SLC24A2: variants seen among roughly 807,000 people sequenced by gnomAD.
SLC24A2 encodes solute carrier family 24 member 2.
A neutral mutation model predicts 62.0 loss-of-function variants in SLC24A2; 36 were observed. The ratio of observed to expected loss-of-function variants is 0.58; its 90% CI spans 0.44 to 0.77. The LOEUF (loss-of-function observed/expected upper bound fraction) is 0.77, where lower values mean the gene tolerates loss of function less well. Ranked by LOEUF, SLC24A2 falls within the 30% of genes least tolerant of loss-of-function variation. SLC24A2 has a pLI of 0.00. For synonymous variants in SLC24A2, 358 were observed against 294.0 expected, an observed-to-expected ratio of 1.22 and a Z score of -2.23; for missense variants, 846 against 817.9, an observed-to-expected ratio of 1.03 and a Z score of -0.42.
chr9:19,705,398 T>C (rs7869055), intron 2 of SLC24A2: 54,184 of 162,308 alleles, frequency 0.33, 9,911 homozygotes, highest in African/African-American at 0.45. Flanking sequence ...GTGTCTGAGG[T>C]ACTGGGTGGT....
the SLC24A2 span, among the ~76,000 whole-genome samples, chr9:19,852,015 T>A: frequency 6.6e-6 from 1 of 152,320 alleles, no homozygotes; most frequent in East Asian, 1.9e-4. Flanking sequence ...TTTTTAATAA[T>A]CACCATTCTG....
chr9:19,863,667 T>C, the SLC24A2 span, among the ~76,000 whole-genome samples: 4 of 148,778 alleles, frequency 2.7e-5, no homozygotes, highest in Admixed American at 2.7e-4. Context: ...AAACAAATGC[T>C]AACAGAAACA....
At chr9:19,542,008 G>T (rs957045944) in intron 8 of SLC24A2, among the ~76,000 whole-genome samples, 11 of 152,202 alleles carry the variant, frequency 7.2e-5, no homozygotes, top group African/African-American at 2.4e-4. Flanking sequence ...ACTCGGAAAG[G>T]GAACTCCCTG....
Position 19,788,897 on chromosome 9 carries a change from G to T in SLC24A2, c.-166C>A, listed in dbSNP as rs866768215. The T allele has an allele frequency of 3.0e-6, 3 of 985,290 alleles. No homozygotes were observed. Among genetic ancestry groups the T allele is most frequent in the Non-Finnish European group, 3.6e-6 (3 of 829,918 alleles). 61.0% of individuals were successfully genotyped at this position (985,290 alleles called of 1,614,324 possible). On this transcript the variant is annotated 5_prime_UTR_variant, in exon 1 of 11. Transcript: ENST00000341998. ...CGCCCGCACTTACCAGGATAAGATGGGAGGACGCGCACACGGCGGGGCCCC... is the reference window on the plus strand; with the variant it reads ...CGCCCGCACTTACCAGGATAAGATGTGAGGACGCGCACACGGCGGGGCCCC...
chr9:20,029,344 C>T, the SLC24A2 span, among the ~76,000 whole-genome samples: 1 of 152,194 alleles, frequency 6.6e-6, no homozygotes, highest in East Asian at 1.9e-4. Flanking sequence ...TAGGTGCTCT[C>T]TAATAATGAC....
At chr9:19,886,288 T>C in the SLC24A2 span, among the ~76,000 whole-genome samples, 1 of 152,202 alleles carries the variant, frequency 6.6e-6, no homozygotes, top group African/African-American at 2.4e-5. Context: ...AATCATAGCC[T>C]TTCTGACTAG....
intron 8 of SLC24A2, among the ~76,000 whole-genome samples, chr9:19,549,146 C>T (rs568411074): frequency 2.4e-4 from 37 of 152,222 alleles, no homozygotes; most frequent in African/African-American, 7.7e-4. Flanking sequence ...ATAATAAAAT[C>T]GATTAAAGTA....
the SLC24A2 span, among the ~76,000 whole-genome samples, chr9:19,875,864 C>T: frequency 6.6e-6 from 1 of 152,178 alleles, no homozygotes; most frequent in Admixed American, 6.5e-5. Flanking sequence ...TGTTTCAAGT[C>T]ATACATTCAC....
At chr9:19,882,093 A>G in the SLC24A2 span, among the ~76,000 whole-genome samples, 1 of 152,300 alleles carries the variant, frequency 6.6e-6, no homozygotes, top group Middle Eastern at 3.4e-3. Flanking sequence ...AATCTTTGCC[A>G]TTCTCTCTAT....
At chr9:19,917,251 A>G in the SLC24A2 span, among the ~76,000 whole-genome samples, 1 of 151,238 alleles carries the variant, frequency 6.6e-6, no homozygotes, top group Admixed American at 6.6e-5. Flanking sequence ...TTTAGGAAAT[A>G]TCTAATTTGA....
At chr9:19,701,576 G>A (rs1411151495) in intron 2 of SLC24A2, among the ~76,000 whole-genome samples, 1 of 152,170 alleles carries the variant, frequency 6.6e-6, no homozygotes, top group East Asian at 1.9e-4. Context: ...TCTGGAGGCC[G>A]TAAGTTTGAA....
chr9:19,731,474 A>G (rs1821331313), intron 2 of SLC24A2, among the ~76,000 whole-genome samples: 2 of 151,560 alleles, frequency 1.3e-5, no homozygotes, highest in South Asian at 4.2e-4. Flanking sequence ...TCCCTATAAA[A>G]AGAGACACTT....
the SLC24A2 span, among the ~76,000 whole-genome samples, chr9:20,023,787 G>C: frequency 6.6e-6 from 1 of 152,138 alleles, no homozygotes; most frequent in Non-Finnish European, 1.5e-5. Flanking sequence ...AACTGGAAAG[G>C]AAAACAATCA....
At chr9:19,854,978 A>G in the SLC24A2 span, among the ~76,000 whole-genome samples, 1 of 152,136 alleles carries the variant, frequency 6.6e-6, no homozygotes, top group East Asian at 1.9e-4. Context: ...GTGCTCCTGT[A>G]TTGGTGTATA....
At chr9:19,751,654 G>C (rs1821988548) in intron 2 of SLC24A2, among the ~76,000 whole-genome samples, 1 of 152,146 alleles carries the variant, frequency 6.6e-6, no homozygotes, top group African/African-American at 2.4e-5. Context: ...GAGTTCCATA[G>C]CTCTGCAGCC....
the SLC24A2 span, among the ~76,000 whole-genome samples, chr9:20,001,030 C>T: frequency 6.6e-6 from 1 of 152,182 alleles, no homozygotes; most frequent in Admixed American, 6.5e-5. Context: ...CTTTCTCTCC[C>T]CATCCATTGC....
the SLC24A2 span, among the ~76,000 whole-genome samples, chr9:19,995,054 C>T: frequency 2.0e-5 from 3 of 150,122 alleles, no homozygotes; most frequent in Admixed American, 1.3e-4. Flanking sequence ...GGGATTTAAC[C>T]CCTGTGGTAG....
the SLC24A2 span, among the ~76,000 whole-genome samples, chr9:20,206,615 G>C: frequency 6.6e-6 from 1 of 152,030 alleles, no homozygotes; most frequent in African/African-American, 2.4e-5. Flanking sequence ...TCAGACTCCT[G>C]AGTAGCTGGG....
chr9:20,057,486 A>G, the SLC24A2 span, among the ~76,000 whole-genome samples: 4 of 152,156 alleles, frequency 2.6e-5, no homozygotes, highest in African/African-American at 4.8e-5. Context: ...TCAGAGTTGG[A>G]GCTGTGGCTA....
Sources: allele counts gnomAD v4.1 joint callset (sites outside exome capture counted in the v4.1 genomes callset), GRCh38; gene constraint gnomAD v4.1.1; transcripts MANE v1.5; gene names NCBI Gene and HGNC (gene_info 2026-07-23, HGNC 2026-07-21).